CSMD1: variants seen among roughly 807,000 people sequenced by gnomAD.
The protein encoded by CSMD1 is CUB and Sushi multiple domains 1, also known as CUB and sushi domain-containing protein 1.
Under a neutral mutation model 417.5 loss-of-function variants are expected in CSMD1, and 213 were observed. The observed-to-expected ratio is 0.51, with a 90% CI of 0.46 to 0.57. CSMD1 has a LOEUF of 0.57. Ranked by LOEUF, CSMD1 falls within the 20% of genes least tolerant of loss-of-function variation. The probability of loss-of-function intolerance (pLI) is 0.00; values close to 1 mark genes in which losing one functional copy is unlikely to be tolerated. For synonymous variants in CSMD1, 2,862 were observed against 1,736.8 expected, an observed-to-expected ratio of 1.65 and a Z score of -16.11; for missense variants, 6,923 against 4,529.7, an observed-to-expected ratio of 1.53 and a Z score of -15.17.
chr8:4,201,343 C>G (rs894605575), intron 3 of CSMD1, among the ~76,000 whole-genome samples: 1 of 151,974 alleles, frequency 6.6e-6, no homozygotes. Flanking sequence ...TCGAGACCAT[C>G]TTGGGTAACA....
chr8:4,301,314 C>T (rs1458194390), intron 3 of CSMD1, among the ~76,000 whole-genome samples: 7 of 152,206 alleles, frequency 4.6e-5, no homozygotes, highest in Non-Finnish European at 4.4e-5. Flanking sequence ...AATACCAGTG[C>T]CATGACCTTT....
chr8:3,244,163 A>G (rs1435792665), intron 26 of CSMD1, among the ~76,000 whole-genome samples: 1 of 152,220 alleles, frequency 6.6e-6, no homozygotes, highest in Non-Finnish European at 1.5e-5. Flanking sequence ...GTTGGGTTCG[A>G]AATCAGGTTT....
rs533380177 is a variant in CSMD1 at position 3,324,801 on chromosome 8, C to T, written c.3632-16298G>A. Among the ~76,000 whole-genome samples, 14 of 152,292 alleles carry T rather than the reference C, an allele frequency of 9.2e-5. 1 individual carries two copies. In the South Asian group the frequency reaches 2.3e-3, roughly 25 times the overall value. On this transcript the variant is annotated intron_variant, in intron 23 of 69. Coordinates refer to ENST00000635120, the MANE Select transcript of CSMD1 (RefSeq NM_033225.6). ...TCTGACGGTGAGTGTTCAATCTTGG[C>T]ATTTACTATTGAATGGTGCTAATTG...
intron 3 of CSMD1, among the ~76,000 whole-genome samples, chr8:4,232,811 A>T (rs1190609334): frequency 6.6e-6 from 1 of 152,188 alleles, no homozygotes; most frequent in Non-Finnish European, 1.5e-5. Flanking sequence ...GGTGCCTCGA[A>T]ATCTAAAAGA....
intron 25 of CSMD1, among the ~76,000 whole-genome samples, chr8:3,300,890 C>G (rs1232771851): frequency 7.4e-6 from 1 of 134,468 alleles, no homozygotes; most frequent in African/African-American, 2.8e-5. Context: ...ACCCAGGAGG[C>G]TGAGGTTGCA....
intron 5 of CSMD1, among the ~76,000 whole-genome samples, chr8:3,772,537 A>G (rs1162167850): frequency 2.7e-5 from 2 of 73,836 alleles, no homozygotes; most frequent in Admixed American, 1.9e-4. Context: ...ATATATACAT[A>G]TATACACATA....
intron 3 of CSMD1, among the ~76,000 whole-genome samples, chr8:4,251,357 G>T (rs181437151): frequency 6.6e-6 from 1 of 152,118 alleles, no homozygotes; most frequent in African/African-American, 2.4e-5. Flanking sequence ...TAATTTAAGA[G>T]TTTGGAAGGT....
chr8:3,737,643 G>A (rs1337891253), intron 6 of CSMD1, among the ~76,000 whole-genome samples: 2 of 151,952 alleles, frequency 1.3e-5, no homozygotes, highest in South Asian at 2.1e-4. Flanking sequence ...AGCTACCTTG[G>A]TTGCCCCAAC....
chr8:3,853,306 T>G (rs914034858), intron 5 of CSMD1, among the ~76,000 whole-genome samples: 2 of 152,212 alleles, frequency 1.3e-5, no homozygotes, highest in African/African-American at 4.8e-5. Context: ...TGATCAATTT[T>G]TCTTCTCACC....
chr8:4,171,480 A>G (rs1393414686), intron 3 of CSMD1, among the ~76,000 whole-genome samples: 2 of 151,924 alleles, frequency 1.3e-5, no homozygotes, highest in Non-Finnish European at 1.5e-5. Context: ...AATACATAAG[A>G]ACAGATGCAT....
intron 6 of CSMD1, among the ~76,000 whole-genome samples, chr8:3,719,795 C>T (rs150720375): frequency 2.3e-4 from 35 of 152,224 alleles, no homozygotes; most frequent in African/African-American, 8.2e-4. Flanking sequence ...TACGTGTGTC[C>T]AGCTTTTGGA....
chr8:4,338,059 C>G (rs564442212), intron 3 of CSMD1, among the ~76,000 whole-genome samples: 1 of 151,986 alleles, frequency 6.6e-6, no homozygotes, highest in Non-Finnish European at 1.5e-5. Context: ...TCAATAAAGC[C>G]CCATCATACT....
chr8:4,293,236 C>G (rs911453676), intron 3 of CSMD1, among the ~76,000 whole-genome samples: 3 of 152,132 alleles, frequency 2.0e-5, no homozygotes, highest in Admixed American at 6.6e-5. Context: ...GGCCAGACTC[C>G]AAGGGCACAG....
At chr8:4,609,566 G>A (rs996544958) in intron 2 of CSMD1, among the ~76,000 whole-genome samples, 15 of 152,268 alleles carry the variant, frequency 9.9e-5, no homozygotes, top group African/African-American at 3.6e-4. Context: ...GTACAAAAGT[G>A]AGCAGAATAA....
chr8:4,240,676 C>T (rs1337531446), intron 3 of CSMD1, among the ~76,000 whole-genome samples: 2 of 152,166 alleles, frequency 1.3e-5, no homozygotes, highest in Non-Finnish European at 2.9e-5. Context: ...TCCTGGCTCC[C>T]ATCCCCTAAT....
At chr8:3,460,968 A>G (rs75701410) in intron 12 of CSMD1, among the ~76,000 whole-genome samples, 4,248 of 152,260 alleles carry the variant, frequency 0.028, 106 homozygotes, top group East Asian at 0.12. Flanking sequence ...GGCAGTAACA[A>G]TAAGTTTGTT....
At chr8:4,303,215 G>A (rs1798072671) in intron 3 of CSMD1, among the ~76,000 whole-genome samples, 1 of 152,080 alleles carries the variant, frequency 6.6e-6, no homozygotes, top group Admixed American at 6.6e-5. Context: ...TCTGTTAACA[G>A]AGGCATCATC....
intron 4 of CSMD1, among the ~76,000 whole-genome samples, chr8:4,029,634 C>T (rs1457272660): frequency 1.3e-5 from 2 of 152,082 alleles, no homozygotes; most frequent in African/African-American, 4.8e-5. Context: ...GGGACACAGC[C>T]AAACCATATC....
chr8:3,993,221 A>G (rs138459057), intron 5 of CSMD1, among the ~76,000 whole-genome samples: 241 of 152,298 alleles, frequency 1.6e-3, no homozygotes, highest in African/African-American at 5.4e-3. Context: ...AGTGCTGCAA[A>G]TTTTCTGTAA....
Sources: gnomAD v4.1 joint callset for allele counts (sites outside exome capture counted in the v4.1 genomes callset) on GRCh38, gnomAD v4.1.1 for gene constraint, MANE v1.5 for transcripts, NCBI Gene and HGNC (gene_info 2026-07-23, HGNC 2026-07-21) for gene names.